The following ABCG1 variants were observed in gnomAD, a reference collection of about 807,000 sequenced individuals.
ABCG1 encodes ATP-binding cassette sub-family G member 1.
Under a neutral mutation model 69.2 loss-of-function variants are expected in ABCG1, and 29 were observed. The observed-to-expected ratio is 0.42, with a 90% CI of 0.31 to 0.57. The LOEUF (loss-of-function observed/expected upper bound fraction) is 0.57, where lower values mean the gene tolerates loss of function less well. Among genes scored for constraint, ABCG1 ranks in the 20% least tolerant of loss-of-function variants. The pLI, the probability that ABCG1 is intolerant of heterozygous loss-of-function variation, is 0.15. For synonymous variants in ABCG1, 370 were observed against 374.8 expected (o/e 0.99, Z 0.15); for missense variants, 718 against 898.1 (o/e 0.80, Z 2.56).
chr21:42,219,343 A>G lies in ABCG1; in HGVS notation c.42+39A>G. 6.3e-7 allele frequency: 1 copy of G among 1,588,586 alleles called. No individual in the cohort carries two copies. The highest frequency in any genetic ancestry group is 8.5e-7 in the Non-Finnish European group (1 of 1,171,670). On this transcript the variant is annotated intron_variant, in intron 1 of 14. Transcript: ENST00000398449. The surrounding 1 kb of genome is among the most constrained non-coding windows in gnomAD (Gnocchi z 5.3). ...TCCTTCGTCCGCCGGGAACGGTTTT[A>G]TTTTCAAGGAGAGCAGGAAACACAC...
At position 42,296,142 on chromosome 21, in the gene ABCG1, C is replaced by T. The variant is rs1485659274; in HGVS notation, c.1773-22C>T. 6.2e-7 allele frequency: 1 copy of T among 1,602,528 alleles called. No individual in the cohort carries two copies. The highest frequency in any genetic ancestry group is 1.1e-5 in the South Asian group (1 of 90,830). ...GGCTGGCTGGGAGAACGTCCTCCCT[C>T]ATGCCTGGCCTTTCCTCCTAGGTAT... is the stretch of plus-strand genomic sequence containing the variant. On this transcript the variant is annotated intron_variant, in intron 14 of 14. Transcript: ENST00000398449. The surrounding 1 kb of genome is among the most constrained non-coding windows in gnomAD (Gnocchi z 5.4).
upstream of ABCG1, chr21:42,219,089 T>C (rs2035294030): frequency 1.5e-5 from 7 of 462,040 alleles, no homozygotes; most frequent in Non-Finnish European, 2.2e-5. The surrounding 1 kb of genome is among the most constrained non-coding windows in gnomAD (Gnocchi z 5.3). Context: ...AATCGCGCGC[T>C]CGGGGCGGGG....
intron 1 of ABCG1, among the ~76,000 whole-genome samples, chr21:42,201,016 A>C (rs2123458447): frequency 6.6e-6 from 1 of 151,404 alleles, no homozygotes; most frequent in South Asian, 2.1e-4. Context: ...GGTTTGCTGC[A>C]CCTATCAACC....
intron 2 of ABCG1, among the ~76,000 whole-genome samples, chr21:42,242,682 G>T (rs1345708844): frequency 6.6e-6 from 1 of 152,202 alleles, no homozygotes; most frequent in Non-Finnish European, 1.5e-5. Flanking sequence ...CATTCATTCT[G>T]TTCCGGCTCT....
chr21:42,204,587 C>T (rs1276788959), intron 2 of ABCG1, among the ~76,000 whole-genome samples: 2 of 152,158 alleles, frequency 1.3e-5, no homozygotes, highest in Admixed American at 1.3e-4. Flanking sequence ...CTGGAATAAA[C>T]CCAACTTGAA....
chr21:42,255,011 T>A (rs748282393), intron 2 of ABCG1, among the ~76,000 whole-genome samples: 7 of 152,242 alleles, frequency 4.6e-5, no homozygotes, highest in Non-Finnish European at 1.0e-4. Context: ...ATTGGTGCTA[T>A]TGGCATAATT....
Position 42,225,967 on chromosome 21 carries a change from G to A in ABCG1, c.286+53G>A, listed in dbSNP as rs192015974. 37 of 1,583,518 alleles carry A rather than the reference G, an allele frequency of 2.3e-5. No homozygotes were observed. The East Asian group carries it at 8.3e-4, about 36-fold the overall frequency. Reference sequence around the variant, plus strand: ...AAGCTGGGAGGAGCCTCTGAAGGAGGCAACAGGTTGTTTGGGCAAAATCGG... The same window carrying A: ...AAGCTGGGAGGAGCCTCTGAAGGAGACAACAGGTTGTTTGGGCAAAATCGG... On this transcript the variant is annotated intron_variant, in intron 2 of 14. Transcript: ENST00000398449.
intron 6 of ABCG1, among the ~76,000 whole-genome samples, chr21:42,283,442 C>T (rs2068850902): frequency 6.6e-6 from 1 of 152,152 alleles, no homozygotes; most frequent in Non-Finnish European, 1.5e-5. Flanking sequence ...ATCTGAGGGG[C>T]TAGGAAAGGA....
intron 2 of ABCG1, among the ~76,000 whole-genome samples, chr21:42,257,361 C>T (rs534683623): frequency 2.0e-5 from 3 of 152,358 alleles, no homozygotes; most frequent in African/African-American, 7.2e-5. Context: ...CACCCGCAGC[C>T]TCTGCAGCAT....
At chr21:42,256,308 A>T (rs922494688) in intron 2 of ABCG1, 1 of 1,535,266 alleles carries the variant, frequency 6.5e-7, no homozygotes, top group African/African-American at 1.4e-5. Flanking sequence ...TTTTGCCCGG[A>T]GTCTACAGAG....
At chr21:42,262,484 C>T (rs1349637702) in intron 2 of ABCG1, among the ~76,000 whole-genome samples, 4 of 152,176 alleles carry the variant, frequency 2.6e-5, no homozygotes, top group East Asian at 3.8e-4. Flanking sequence ...AGGTGACCCA[C>T]GGGGTTTCTT....
intron 2 of ABCG1, among the ~76,000 whole-genome samples, chr21:42,226,731 T>C (rs762673660): frequency 3.3e-5 from 5 of 152,050 alleles, no homozygotes; most frequent in African/African-American, 9.7e-5. Flanking sequence ...GACAGGTGGG[T>C]TGGGGGAGCT....
chr21:42,204,273 C>A (rs1352631582), intron 2 of ABCG1, among the ~76,000 whole-genome samples: 1 of 152,090 alleles, frequency 6.6e-6, no homozygotes, highest in Non-Finnish European at 1.5e-5. Flanking sequence ...CTGGAAATTC[C>A]AGCATCATGT....
chr21:42,276,813 G>C lies in ABCG1; in HGVS notation c.538-82G>C. 1 of 1,418,524 alleles carries C rather than the reference G, an allele frequency of 7.0e-7. No individual in the cohort carries two copies. The highest frequency in any genetic ancestry group is 2.3e-5 in the East Asian group (1 of 43,588). 87.9% of individuals were successfully genotyped at this position (1,418,524 alleles called of 1,614,324 possible). ...TAGCTGCATCTTGGCTAGCTGCACC[G>C]TGGCCTGCAGTGCGGGCATGAGGCT... On this transcript the variant is annotated intron_variant, in intron 4 of 14. Coordinates refer to ENST00000398449, the MANE Select transcript of ABCG1 (RefSeq NM_016818.3). This position sits in a 1 kb window ranked among gnomAD's most constrained non-coding sequence, Gnocchi z 5.3.
chr21:42,269,403 G>A (rs2068575094), intron 2 of ABCG1, among the ~76,000 whole-genome samples: 1 of 152,170 alleles, frequency 6.6e-6, no homozygotes, highest in African/African-American at 2.4e-5. Flanking sequence ...GCTATTCTTG[G>A]GGTTCCCGGT....
At chr21:42,274,779 ATT>A (rs35280343) in intron 4 of ABCG1, among the ~76,000 whole-genome samples, 44,996 of 148,722 alleles carry the variant, frequency 0.3, 6,846 homozygotes, top group South Asian at 0.41. Context: ...GGCAGGGGCC[ATT>A]TTTTTTTTTA....
Position 42,219,149 on chromosome 21 carries a change from GC to G in ABCG1, c.-113del, listed in dbSNP as rs1216019083. ...GAGCCGGATCCCAGCCGGAGCCCAAGCGCAGCCCGCACCCCGCGCAGCGGCT... is the reference window on the plus strand; with the variant it reads ...GAGCCGGATCCCAGCCGGAGCCCAAGGCAGCCCGCACCCCGCGCAGCGGCT... On this transcript the variant is annotated 5_prime_UTR_variant, in exon 1 of 15. Transcript: ENST00000398449. The surrounding 1 kb of genome is among the most constrained non-coding windows in gnomAD (Gnocchi z 5.3). The G allele has an allele frequency of 6.3e-4, 634 of 1,010,434 alleles. 1 individual carries two copies. Among genetic ancestry groups the G allele is most frequent in the Non-Finnish European group, 7.6e-4 (614 of 804,592 alleles). The allele number at this position is 1,010,434 out of a possible 1,614,324, so 62.6% of individuals were successfully genotyped here.
intron 2 of ABCG1, among the ~76,000 whole-genome samples, chr21:42,227,267 C>G (rs888971248): frequency 2.6e-5 from 4 of 152,206 alleles, no homozygotes; most frequent in African/African-American, 4.8e-5. Flanking sequence ...GTGGCAGGCT[C>G]AGATGTGGGC....
intron 5 of ABCG1, among the ~76,000 whole-genome samples, chr21:42,279,437 A>G (rs978736533): frequency 3.3e-5 from 5 of 152,076 alleles, no homozygotes; most frequent in Non-Finnish European, 7.4e-5. Context: ...AGCTGAGCAC[A>G]CGGGGGAGCC....
Sources: gnomAD v4.1 joint callset for allele counts (sites outside exome capture counted in the v4.1 genomes callset) on GRCh38, gnomAD v4.1.1 for gene constraint, Gnocchi (gnomAD v3.1) non-coding constraint, MANE v1.5 for transcripts, NCBI Gene and HGNC (gene_info 2026-07-23, HGNC 2026-07-21) for gene names.